The following MGST1 variants were observed in gnomAD, a reference collection of about 807,000 sequenced individuals.
The protein encoded by MGST1 is glutathione S-transferase 12.
Under a neutral mutation model 8.9 loss-of-function variants are expected in MGST1, and 5 were observed. The observed-to-expected ratio is 0.56, with a 90% CI of 0.29 to 1.19. The LOEUF (loss-of-function observed/expected upper bound fraction) is 1.19. Among genes scored for constraint, MGST1 ranks in the 50% most tolerant of loss-of-function variants. MGST1 has a pLI of 0.08. For missense variants in MGST1, 182 were observed against 187.4 expected, an observed-to-expected ratio of 0.97 and a Z score of 0.17; for synonymous variants, 54 against 67.8, an observed-to-expected ratio of 0.80 and a Z score of 1.00.
At chr12:16,439,498 T>C (rs148725481), downstream of MGST1, among the ~76,000 whole-genome samples, 12 of 151,970 alleles carry the variant, frequency 7.9e-5, no homozygotes, top group Non-Finnish European at 1.5e-4. Context: ...TCAGCTGTTC[T>C]TTCTTGATTC....
chr12:16,496,942 A>T (rs1325770972), intron 4 of MGST1, among the ~76,000 whole-genome samples: 1 of 152,194 alleles, frequency 6.6e-6, no homozygotes, highest in Non-Finnish European at 1.5e-5. Context: ...TGCATAATTG[A>T]AAAAGCACTG....
At chr12:16,455,120 A>G (rs1213394483) in intron 4 of MGST1, among the ~76,000 whole-genome samples, 1 of 151,904 alleles carries the variant, frequency 6.6e-6, no homozygotes, top group Admixed American at 6.6e-5. Context: ...TTTTAAATAG[A>G]ATTTTGAGGA....
At chr12:16,459,667 A>C (rs898585803) in intron 4 of MGST1, among the ~76,000 whole-genome samples, 1 of 152,134 alleles carries the variant, frequency 6.6e-6, no homozygotes, top group Admixed American at 6.6e-5. Flanking sequence ...ATCAAGGGCC[A>C]GGGAGTAAAG....
chr12:16,372,085 A>G (rs1340738331), intron 3 of MGST1, among the ~76,000 whole-genome samples: 3 of 152,140 alleles, frequency 2.0e-5, no homozygotes, highest in Non-Finnish European at 4.4e-5. Context: ...AAATTATAAG[A>G]AGAAAACATT....
chr12:16,409,655 C>G (rs1004366666), intron 1 of MGST1, among the ~76,000 whole-genome samples: 5 of 152,100 alleles, frequency 3.3e-5, no homozygotes, highest in African/African-American at 1.2e-4. Context: ...AATTTCTAAG[C>G]CTTTGCAGAA....
chr12:16,568,973 T>C (rs553235164), intron 4 of MGST1, among the ~76,000 whole-genome samples: 1 of 152,308 alleles, frequency 6.6e-6, no homozygotes, highest in South Asian at 2.1e-4. Context: ...CTTAAAAATA[T>C]GTATGCTAAT....
rs1053421298 is a variant in MGST1, at chr12:16,532,268, A to G, written n.483-57260A>G. ...ATTTCTGATTCCATTCAGGGCCACTATAATCTTATTCTTGTTTGCTTGCTT... is the reference window on the plus strand; with the variant it reads ...ATTTCTGATTCCATTCAGGGCCACTGTAATCTTATTCTTGTTTGCTTGCTT... On this transcript the variant is annotated intron_variant and non_coding_transcript_variant, in intron 4 of 4. Transcript: ENST00000538857. 2.0e-5 allele frequency among the ~76,000 whole-genome samples: 3 copies of G among 152,210 alleles called. No homozygotes were observed. In the South Asian group the frequency reaches 6.2e-4, roughly 32 times the overall value.
In MGST1 at chr12:16,589,558, A is replaced by G. The variant is rs1943425642; in HGVS notation, n.513A>G. ...TGCAGAAGTCAAGAGCTAACCAAGA[A>G]GACAAGGAATGTAACATATTTAATC... On this transcript the variant is annotated non_coding_transcript_exon_variant, in exon 5 of 5. Coordinates refer to the MGST1 transcript ENST00000538857. The surrounding 1 kb of genome is among the most constrained non-coding windows in gnomAD (Gnocchi z 4.2). 6.6e-6 allele frequency: 1 copy of G among 152,142 alleles called. No individual in the cohort carries two copies. Among genetic ancestry groups the G allele is most frequent in the Non-Finnish European group, 1.5e-5 (1 of 68,008 alleles). 9.4% of individuals were successfully genotyped at this position (152,142 alleles called of 1,614,324 possible). A position where few individuals can be genotyped will look rare whatever the true frequency, so the allele number is the denominator to read the frequency against.
At chr12:16,563,036 T>G (rs958482113) in intron 4 of MGST1, among the ~76,000 whole-genome samples, 2 of 152,178 alleles carry the variant, frequency 1.3e-5, no homozygotes, top group African/African-American at 4.8e-5. Flanking sequence ...TCAGATAAAA[T>G]TTTCTTCTTC....
At chr12:16,390,136 A>T (rs1940537356) in intron 1 of MGST1, among the ~76,000 whole-genome samples, 1 of 152,104 alleles carries the variant, frequency 6.6e-6, no homozygotes, top group Non-Finnish European at 1.5e-5. Context: ...AATGTAATAG[A>T]GGCAGGGGCA....
At chr12:16,456,646 A>G (rs1941175310) in intron 4 of MGST1, among the ~76,000 whole-genome samples, 1 of 151,922 alleles carries the variant, frequency 6.6e-6, no homozygotes, top group South Asian at 2.1e-4. Flanking sequence ...AGGAACATTA[A>G]TCTAATTCAG....
At chr12:16,359,562 CA>C (rs1373384399) in intron 3 of MGST1, among the ~76,000 whole-genome samples, 1 of 151,870 alleles carries the variant, frequency 6.6e-6, no homozygotes, top group Non-Finnish European at 1.5e-5. Flanking sequence ...GTGGAAATTT[CA>C]AACAGCAGAA....
At chr12:16,396,245 A>G (rs1315917406) in intron 1 of MGST1, among the ~76,000 whole-genome samples, 1 of 152,116 alleles carries the variant, frequency 6.6e-6, no homozygotes, top group Non-Finnish European at 1.5e-5. Context: ...TCCCTCTATG[A>G]TTAAAACCCT....
chr12:16,519,564 T>C (rs1233563132), intron 4 of MGST1, among the ~76,000 whole-genome samples: 2 of 152,194 alleles, frequency 1.3e-5, no homozygotes, highest in African/African-American at 4.8e-5. Flanking sequence ...TATTTTCTTC[T>C]CCTTTTACTA....
intron 4 of MGST1, among the ~76,000 whole-genome samples, chr12:16,496,578 G>A (rs1436151441): frequency 2.6e-5 from 4 of 152,006 alleles, no homozygotes; most frequent in South Asian, 2.1e-4. Flanking sequence ...CCCGTCACCC[G>A]CAAACTGAGC....
downstream of MGST1, among the ~76,000 whole-genome samples, chr12:16,380,425 G>A (rs1231927884): frequency 2.0e-5 from 3 of 152,176 alleles, no homozygotes; most frequent in Non-Finnish European, 2.9e-5. Context: ...GGAGCAGGTT[G>A]TTCAGTTTCC....
intron 1 of MGST1, among the ~76,000 whole-genome samples, chr12:16,391,583 T>C (rs1191518934): frequency 6.6e-6 from 1 of 152,206 alleles, no homozygotes; most frequent in Admixed American, 6.5e-5. Flanking sequence ...TGCCCACTTC[T>C]TAATGGGGTT....
At chr12:16,450,055 T>G (rs1427923044) in intron 4 of MGST1, among the ~76,000 whole-genome samples, 1 of 151,926 alleles carries the variant, frequency 6.6e-6, no homozygotes, top group Non-Finnish European at 1.5e-5. Flanking sequence ...TGTTGGTAAG[T>G]GCCAAGAGGG....
intron 4 of MGST1, among the ~76,000 whole-genome samples, chr12:16,487,904 G>T (rs1004614669): frequency 2.6e-5 from 4 of 152,100 alleles, no homozygotes; most frequent in African/African-American, 9.7e-5. Flanking sequence ...GTTACAAAAG[G>T]AATGATAAAA....
Sources: allele counts gnomAD v4.1 joint callset (sites outside exome capture counted in the v4.1 genomes callset), GRCh38; gene constraint gnomAD v4.1.1; non-coding constraint Gnocchi (gnomAD v3.1); transcripts MANE v1.5; gene names NCBI Gene and HGNC (gene_info 2026-07-23, HGNC 2026-07-21).